CTNND2: variants seen among roughly 807,000 people sequenced by gnomAD.
The protein encoded by CTNND2 is catenin delta 2.
In CTNND2, 22 loss-of-function variants were observed where a neutral mutation model predicts 144.4. The ratio of observed to expected loss-of-function variants is 0.15; its 90% CI spans 0.11 to 0.22. The LOEUF (loss-of-function observed/expected upper bound fraction) is 0.22, where lower values mean the gene tolerates loss of function less well. CTNND2 is among the 10% of genes least tolerant of loss of function. CTNND2 has a pLI of 1.00. For missense variants in CTNND2, 1,353 were observed against 1,618.8 expected, an observed-to-expected ratio of 0.84 and a Z score of 2.82; for synonymous variants, 751 against 695.6, an observed-to-expected ratio of 1.08 and a Z score of -1.25.
At chr5:11,631,225 T>C (rs1781398159) in intron 2 of CTNND2, among the ~76,000 whole-genome samples, 1 of 152,192 alleles carries the variant, frequency 6.6e-6, no homozygotes, top group African/African-American at 2.4e-5. Context: ...CTCCAAAATA[T>C]TGAAAGTTTT....
chr5:11,601,748 A>G (rs1322618829), intron 2 of CTNND2, among the ~76,000 whole-genome samples: 7 of 152,174 alleles, frequency 4.6e-5, no homozygotes, highest in Non-Finnish European at 8.8e-5. Context: ...AAAACCAAAG[A>G]GAGATTATGA....
intron 2 of CTNND2, among the ~76,000 whole-genome samples, chr5:11,603,475 C>G (rs1464491070): frequency 6.6e-6 from 1 of 152,172 alleles, no homozygotes; most frequent in Non-Finnish European, 1.5e-5. Context: ...TCTTGCCTGT[C>G]TGTAAGTATC....
intron 3 of CTNND2, among the ~76,000 whole-genome samples, chr5:11,476,860 T>TC (rs1023352460): frequency 3.3e-5 from 5 of 152,214 alleles, no homozygotes; most frequent in Admixed American, 1.3e-4. Flanking sequence ...TTTCACTTCC[T>TC]ATTTCCCTCC....
chr5:11,469,191 C>T (rs1220025986), intron 3 of CTNND2, among the ~76,000 whole-genome samples: 2 of 152,166 alleles, frequency 1.3e-5, no homozygotes, highest in African/African-American at 4.8e-5. Context: ...CTACATCCAG[C>T]CTAAGGATGT....
chr5:11,694,386 G>C (rs1785047320), intron 2 of CTNND2, among the ~76,000 whole-genome samples: 1 of 150,024 alleles, frequency 6.7e-6, no homozygotes. Context: ...AGTGAGCCGA[G>C]ATTGCAGCAC....
At chr5:11,750,986 A>G (rs150512603) in intron 1 of CTNND2, among the ~76,000 whole-genome samples, 2 of 151,982 alleles carry the variant, frequency 1.3e-5, no homozygotes, top group African/African-American at 4.8e-5. Context: ...GGTATGATAA[A>G]ATTAAGATTT....
intron 2 of CTNND2, among the ~76,000 whole-genome samples, chr5:11,619,617 A>G (rs1780741375): frequency 6.6e-6 from 1 of 152,208 alleles, no homozygotes; most frequent in African/African-American, 2.4e-5. Context: ...AATATATTTT[A>G]AATTTCTGAA....
rs180821504 is a variant in CTNND2 at position 11,231,786 on chromosome 5, T to C, written c.1761+4905A>G. ...AAATGAACGTTAATCACCAAGACAATGGGAAAAATGTCTCCAGGGCATGTC... is the reference window on the plus strand; with the variant it reads ...AAATGAACGTTAATCACCAAGACAACGGGAAAAATGTCTCCAGGGCATGTC... On this transcript the variant is annotated intron_variant, in intron 10 of 21. Transcript: ENST00000304623. 1.4e-4 allele frequency among the ~76,000 whole-genome samples: 21 copies of C among 152,222 alleles called. No individual in the cohort carries two copies. In the East Asian group the frequency reaches 4.1e-3, roughly 29 times the overall value.
chr5:11,605,256 A>T (rs549295420), intron 2 of CTNND2, among the ~76,000 whole-genome samples: 4 of 152,336 alleles, frequency 2.6e-5, no homozygotes, highest in African/African-American at 9.6e-5. Context: ...GAACATACAC[A>T]TATGAAAGCA....
At chr5:11,251,533 TC>T (rs1253173362) in intron 9 of CTNND2, among the ~76,000 whole-genome samples, 1 of 152,212 alleles carries the variant, frequency 6.6e-6, no homozygotes, top group Non-Finnish European at 1.5e-5. Context: ...CAACCTGGTT[TC>T]AAGATACCGT....
At chr5:11,241,577 G>A (rs994212070) in intron 9 of CTNND2, among the ~76,000 whole-genome samples, 12 of 152,290 alleles carry the variant, frequency 7.9e-5, no homozygotes, top group Middle Eastern at 6.8e-3. Context: ...CTTTTCAAAT[G>A]TTCTCCTCAA....
chr5:11,310,482 T>C (rs1750681745), intron 9 of CTNND2, among the ~76,000 whole-genome samples: 1 of 151,986 alleles, frequency 6.6e-6, no homozygotes, highest in African/African-American at 2.4e-5. Context: ...CTCACAGATC[T>C]ATCCCTTCAC....
At chr5:11,777,227 C>A (rs1790305722) in intron 1 of CTNND2, among the ~76,000 whole-genome samples, 1 of 152,118 alleles carries the variant, frequency 6.6e-6, no homozygotes, top group Non-Finnish European at 1.5e-5. Flanking sequence ...TGCCCTTCAG[C>A]TACAAATGAA....
chr5:11,187,968 C>T (rs1263201421), intron 11 of CTNND2, among the ~76,000 whole-genome samples: 1 of 152,096 alleles, frequency 6.6e-6, no homozygotes, highest in African/African-American at 2.4e-5. Flanking sequence ...GCTGGCGAGG[C>T]TGCGGAGAAA....
chr5:11,368,544 C>A (rs538803713), intron 7 of CTNND2, among the ~76,000 whole-genome samples: 2 of 152,152 alleles, frequency 1.3e-5, no homozygotes, highest in Admixed American at 1.3e-4. Context: ...TATGTTGACA[C>A]GTTTAATCCT....
At chr5:11,110,754 C>T (rs917201303) in intron 14 of CTNND2, 104 bp downstream of exon 14, 16 of 1,107,468 alleles carry the variant, frequency 1.4e-5, no homozygotes, top group Middle Eastern at 2.1e-4. Flanking sequence ...AGTGATTTTA[C>T]CTCCTGATGA....
chr5:11,702,248 T>A (rs1018366119), intron 2 of CTNND2, among the ~76,000 whole-genome samples: 1 of 152,194 alleles, frequency 6.6e-6, no homozygotes, highest in Non-Finnish European at 1.5e-5. Flanking sequence ...GTTTGTTACA[T>A]AGCATACTTG....
At chr5:11,740,718 C>T (rs2126762972) in intron 1 of CTNND2, among the ~76,000 whole-genome samples, 1 of 152,238 alleles carries the variant, frequency 6.6e-6, no homozygotes, top group South Asian at 2.1e-4. Flanking sequence ...AGAGCTTATG[C>T]ATAGCAAAAG....
chr5:11,723,022 A>C (rs1178601861), intron 2 of CTNND2, among the ~76,000 whole-genome samples: 1 of 152,252 alleles, frequency 6.6e-6, no homozygotes, highest in Non-Finnish European at 1.5e-5. Context: ...CAAAATAAGC[A>C]CTAAAACAAA....
Sources: gnomAD v4.1 joint callset for allele counts (sites outside exome capture counted in the v4.1 genomes callset) on GRCh38, gnomAD v4.1.1 for gene constraint, MANE v1.5 for transcripts, NCBI Gene and HGNC (gene_info 2026-07-23, HGNC 2026-07-21) for gene names.